Variants in HECW2 observed in about 807,000 individuals in gnomAD.
HECW2 encodes E3 ubiquitin-protein ligase HECW2.
In HECW2, 61 loss-of-function variants were observed where a neutral mutation model predicts 175.2. That is an observed-to-expected ratio of 0.35 (90% CI 0.28 to 0.43). HECW2 has a LOEUF of 0.43. Among genes scored for constraint, HECW2 ranks in the 20% least tolerant of loss-of-function variants. The pLI is 1.00. For synonymous variants in HECW2, 671 were observed against 731.0 expected (o/e 0.92, Z 1.32); for missense variants, 1,524 against 2,000.5 (o/e 0.76, Z 4.54).
At chr2:196,204,935 G>A (rs1235212454) in intron 28 of HECW2, among the ~76,000 whole-genome samples, 1 of 152,168 alleles carries the variant, frequency 6.6e-6, no homozygotes, top group Non-Finnish European at 1.5e-5. Flanking sequence ...AGGTACTCTA[G>A]AAGCTTATCC....
intron 1 of HECW2, among the ~76,000 whole-genome samples, chr2:196,519,107 C>G (rs1688253072): frequency 6.6e-6 from 1 of 152,202 alleles, no homozygotes; most frequent in Non-Finnish European, 1.5e-5. Flanking sequence ...ACCACCTCAG[C>G]TCATGTCACC....
intron 14 of HECW2, among the ~76,000 whole-genome samples, chr2:196,283,686 A>G (rs1690275679): frequency 6.6e-6 from 1 of 152,178 alleles, no homozygotes; most frequent in Non-Finnish European, 1.5e-5. Flanking sequence ...TGGTGAGAAT[A>G]CAGTCTTGTA....
At chr2:196,281,298 C>A (rs1575350215) in intron 14 of HECW2, among the ~76,000 whole-genome samples, 1 of 152,052 alleles carries the variant, frequency 6.6e-6, no homozygotes, top group Admixed American at 6.5e-5. Context: ...AATTTCCAAC[C>A]AAAATACAAG....
intron 18 of HECW2, 27 bp downstream of exon 18, chr2:196,257,796 C>A (rs1475664326): frequency 4.0e-6 from 6 of 1,518,660 alleles, no homozygotes; most frequent in Non-Finnish European, 5.5e-6. Context: ...AGACCTTCTG[C>A]TTCAAGAGTG....
intron 2 of HECW2, among the ~76,000 whole-genome samples, chr2:196,374,197 T>C (rs1693987033): frequency 6.6e-6 from 1 of 152,184 alleles, no homozygotes; most frequent in Admixed American, 6.5e-5. Flanking sequence ...TAGGGTATTA[T>C]GTAGCCATCC....
chr2:196,239,703 C>T (rs980457841), intron 21 of HECW2: 10 of 152,094 alleles, frequency 6.6e-5, no homozygotes, highest in African/African-American at 2.4e-4. Context: ...GAGACTTGAA[C>T]CCAGACCTGA....
At chr2:196,205,800 A>G (rs1330285351) in intron 28 of HECW2, among the ~76,000 whole-genome samples, 1 of 152,190 alleles carries the variant, frequency 6.6e-6, no homozygotes, top group Non-Finnish European at 1.5e-5. Context: ...GGTGGTCTCC[A>G]CTATTGGAGA....
At chr2:196,517,926 A>G (rs1688208524) in intron 1 of HECW2, among the ~76,000 whole-genome samples, 1 of 152,234 alleles carries the variant, frequency 6.6e-6, no homozygotes, top group South Asian at 2.1e-4. Flanking sequence ...ACCTCAAAGC[A>G]TCACCCAGGT....
At chr2:196,458,130 T>C (rs1409628667) in intron 1 of HECW2, among the ~76,000 whole-genome samples, 1 of 151,520 alleles carries the variant, frequency 6.6e-6, no homozygotes, top group East Asian at 1.9e-4. Context: ...ATTAGCTGGG[T>C]GTGGCAGCAC....
At chr2:196,430,698 G>A (rs1695684361) in intron 2 of HECW2, among the ~76,000 whole-genome samples, 1 of 152,154 alleles carries the variant, frequency 6.6e-6, no homozygotes, top group South Asian at 2.1e-4. Flanking sequence ...AAAGGGCAAA[G>A]TTAGTGAACT....
intron 21 of HECW2, among the ~76,000 whole-genome samples, chr2:196,230,978 C>T (rs2105848591): frequency 6.7e-6 from 1 of 149,352 alleles, no homozygotes; most frequent in South Asian, 2.1e-4. Flanking sequence ...TGGCGCATGC[C>T]TGTAATCCCA....
chr2:196,590,007 T>C (rs1395520925), intron 1 of HECW2, among the ~76,000 whole-genome samples: 2 of 152,358 alleles, frequency 1.3e-5, no homozygotes, highest in Admixed American at 1.3e-4. Flanking sequence ...TTTTTTCTTA[T>C]ATATTTTTCA....
At chr2:196,207,509 C>A (rs998757220) in intron 28 of HECW2, among the ~76,000 whole-genome samples, 1 of 152,130 alleles carries the variant, frequency 6.6e-6, no homozygotes, top group Non-Finnish European at 1.5e-5. Flanking sequence ...ATGTGTGTAA[C>A]TTATGGCAGC....
intron 1 of HECW2, among the ~76,000 whole-genome samples, chr2:196,450,306 G>A (rs1696307413): frequency 6.6e-6 from 1 of 152,172 alleles, no homozygotes; most frequent in Admixed American, 6.5e-5. Flanking sequence ...TAGCCAGAGA[G>A]TGGCAGGGAA....
intron 20 of HECW2, among the ~76,000 whole-genome samples, chr2:196,241,238 T>C (rs1688442211): frequency 1.3e-5 from 2 of 152,228 alleles, no homozygotes; most frequent in Non-Finnish European, 2.9e-5. Context: ...GCTGAATGCA[T>C]GACAGCTGGA....
chr2:196,558,109 C>CA (rs2125495251), intron 1 of HECW2, among the ~76,000 whole-genome samples: 1 of 152,156 alleles, frequency 6.6e-6, no homozygotes, highest in Non-Finnish European at 1.5e-5. Context: ...TTAGTCAAAA[C>CA]AAAAAATATT....
intron 1 of HECW2, among the ~76,000 whole-genome samples, chr2:196,548,022 G>A (rs1348835353): frequency 2.6e-5 from 4 of 152,098 alleles, no homozygotes; most frequent in Admixed American, 2.6e-4. Flanking sequence ...CATTGCTTAA[G>A]TAACACCAGT....
chr2:196,522,837 T>C (rs1184083153), intron 1 of HECW2, among the ~76,000 whole-genome samples: 3 of 152,164 alleles, frequency 2.0e-5, no homozygotes, highest in Non-Finnish European at 2.9e-5. Context: ...CATTGATCTA[T>C]ATCTCAGTTT....
intron 21 of HECW2, among the ~76,000 whole-genome samples, chr2:196,235,134 G>A (rs1375994266): frequency 2.2e-5 from 3 of 138,498 alleles, no homozygotes; most frequent in African/African-American, 8.0e-5. Flanking sequence ...GTCTCGCTCT[G>A]TCGCCCAGGC....
Sources: gnomAD v4.1 joint callset for allele counts (sites outside exome capture counted in the v4.1 genomes callset) on GRCh38, gnomAD v4.1.1 for gene constraint, MANE v1.5 for transcripts, NCBI Gene and HGNC (gene_info 2026-07-23, HGNC 2026-07-21) for gene names.